DST: variants seen among roughly 807,000 people sequenced by gnomAD.
DST encodes bullous pemphigoid antigen.
Under a neutral mutation model 875.2 loss-of-function variants are expected in DST, and 253 were observed. The observed-to-expected ratio is 0.29, with a 90% CI of 0.26 to 0.32. DST has a LOEUF of 0.32. Ranked by LOEUF, DST falls within the 10% of genes least tolerant of loss-of-function variation. DST has a pLI of 1.00. For missense variants in DST, 8,287 were observed against 9,111.6 expected (o/e 0.91, Z 3.68); for synonymous variants, 3,124 against 3,197.1 (o/e 0.98, Z 0.77).
intron 4 of DST, among the ~76,000 whole-genome samples, chr6:56,804,325 C>T (rs2099750709): frequency 6.6e-6 from 1 of 151,904 alleles, no homozygotes; most frequent in South Asian, 2.1e-4. Context: ...CTAGGAAAAG[C>T]TGTCGTTAAG....
intron 4 of DST, among the ~76,000 whole-genome samples, chr6:56,809,383 C>T (rs1166802821): frequency 6.6e-6 from 1 of 152,146 alleles, no homozygotes; most frequent in Non-Finnish European, 1.5e-5. Context: ...GCTAGAGTCT[C>T]AGGGGTATAC....
At chr6:56,910,574 A>T (rs9464405) in intron 2 of DST, among the ~76,000 whole-genome samples, 38,992 of 151,944 alleles carry the variant, frequency 0.26, 5,186 homozygotes, top group African/African-American at 0.29. Flanking sequence ...AACCTCCACC[A>T]CCTGGGTTCA....
rs770224721 is a variant in DST at position 56,555,632 on chromosome 6, G to A, written c.14849C>T (p.Thr4950Ile). Residue 4950 changes from threonine (T) to isoleucine (I), a missense_variant, in exon 60 of 104, where the codon ACA becomes ATA. By Grantham distance (89) the Thr-to-Ile change is moderately conservative. This residue lies in a region of DST where 1,513 missense variants were observed against 1,677.8 expected (regional missense o/e 0.90). Coordinates refer to ENST00000680361, the MANE Select transcript of DST (RefSeq NM_001374736.1). ...DWIDQAIVKS[T>I]QYQSLLRSLS... The stretch of plus-strand genomic sequence containing the variant: ...GCTTCTCAGCAGGCTTTGATACTGT[G>A]TGCTTTTAACAATGGCTTGGTCAAT... The A allele has an allele frequency of 3.1e-6, 5 of 1,613,986 alleles. No individual in the cohort carries two copies. The South Asian group carries it at 5.5e-5, about 18-fold the overall frequency.
chr6:56,938,108 C>CTCTCTCTCTCTCTCTCTCTCTCTATATA (rs1383243392), intron 2 of DST, among the ~76,000 whole-genome samples: 4 of 120,728 alleles, frequency 3.3e-5, no homozygotes, highest in African/African-American at 1.4e-4. Context: ...CTCTCTCTCT[C>CTCTCTCTCTCTCTCTCTCTCTCTATATA]TATATATATA....
rs1447808497 is a variant in DST at position 56,458,913 on chromosome 6, C to A, written c.*92G>T. 3.0e-5 allele frequency: 39 copies of A among 1,320,744 alleles called. 1 individual carries two copies. The East Asian group carries it at 9.6e-4, about 33-fold the overall frequency. 81.8% of individuals were successfully genotyped at this position (1,320,744 alleles called of 1,614,324 possible). ...TGCAGAATTTTAAACTCGCCTCTTG[C>A]AATATTTCACAAGAATTTCTACACC... On this transcript the variant is annotated 3_prime_UTR_variant, in exon 104 of 104. Transcript: ENST00000680361.
intron 86 of DST, 44 bp from the exon 87 acceptor site, chr6:56,487,317 T>G (rs1582881602): frequency 6.7e-7 from 1 of 1,500,912 alleles, no homozygotes; most frequent in Non-Finnish European, 8.9e-7. Flanking sequence ...TTCTTGGGAC[T>G]AATAAACAGG....
Position 56,529,581 on chromosome 6 carries a change from C to T in DST, c.17462G>A (p.Cys5821Tyr). Residue 5821 changes from cysteine to tyrosine, a missense_variant, in exon 66 of 104, where the codon TGT becomes TAT. Physicochemically the swap from Cys to Tyr is radical, Grantham distance 194. Coordinates refer to ENST00000680361, the MANE Select transcript of DST (RefSeq NM_001374736.1). ...ATCTTCCCCAAAAATCTTAGCATTACATAAGGCCTGCTGGAGGAGCTCAGA... is the reference window on the plus strand; with the variant it reads ...ATCTTCCCCAAAAATCTTAGCATTATATAAGGCCTGCTGGAGGAGCTCAGA... ...SRSELLQQALCNAKIFGEDEV... is the reference protein window; with the variant it reads ...SRSELLQQALYNAKIFGEDEV... 1 of 1,613,850 alleles carries T rather than the reference C, an allele frequency of 6.2e-7. No individual in the cohort carries two copies. Among genetic ancestry groups the T allele is most frequent in the Non-Finnish European group, 8.5e-7 (1 of 1,179,790 alleles).
rs991405080 is a variant in DST, at chr6:56,618,435, T to C, written c.4930-3951A>G. The C allele has an allele frequency of 2.7e-5, 44 of 1,614,108 alleles. No individual in the cohort carries two copies. Among genetic ancestry groups the C allele is most frequent in the Non-Finnish European group, 3.4e-5 (40 of 1,180,046 alleles). On this transcript the variant is annotated intron_variant, in intron 36 of 103. Coordinates refer to ENST00000680361, the MANE Select transcript of DST (RefSeq NM_001374736.1). Reference sequence around the variant, plus strand: ...TCTTTGGCTGTGCTCTTTTTTTGAATTTCACACTGGAGCAAAACTAATTGA... The same window carrying C: ...TCTTTGGCTGTGCTCTTTTTTTGAACTTCACACTGGAGCAAAACTAATTGA...
chr6:56,737,298 C>G (rs1413837980), intron 4 of DST, among the ~76,000 whole-genome samples: 12 of 152,176 alleles, frequency 7.9e-5, no homozygotes, highest in Non-Finnish European at 2.9e-5. Context: ...TTCTAACTTA[C>G]CAAATTGCCA....
intron 2 of DST, among the ~76,000 whole-genome samples, chr6:56,945,415 A>G (rs569785075): frequency 5.3e-5 from 8 of 152,320 alleles, no homozygotes; most frequent in African/African-American, 1.4e-4. Flanking sequence ...TCCTAGTTTG[A>G]AAAACTGCAG....
intron 4 of DST, among the ~76,000 whole-genome samples, chr6:56,787,695 C>T (rs1226230767): frequency 6.6e-6 from 1 of 151,986 alleles, no homozygotes; most frequent in Non-Finnish European, 1.5e-5. Flanking sequence ...CAAATAAATG[C>T]CAAACTTTGT....
intron 23 of DST, among the ~76,000 whole-genome samples, chr6:56,636,285 C>CATAT (rs1563355956): frequency 3.6e-4 from 54 of 149,696 alleles, no homozygotes; most frequent in African/African-American, 1.4e-3. Flanking sequence ...CACACACACA[C>CATAT]ACATATACAT....
chr6:56,827,976 T>A (rs779163061), intron 4 of DST, among the ~76,000 whole-genome samples: 1 of 152,136 alleles, frequency 6.6e-6, no homozygotes, highest in African/African-American at 2.4e-5. Context: ...ATATGCCCAT[T>A]TGAGGTGAGA....
At chr6:56,870,453 AAGAG>A (rs1399615473) in intron 3 of DST, among the ~76,000 whole-genome samples, 4 of 150,498 alleles carry the variant, frequency 2.7e-5, no homozygotes, top group Non-Finnish European at 5.9e-5. Context: ...AAAAAAAAAA[AAGAG>A]CTCATGGTAA....
chr6:56,464,173 T>C (rs898847279), intron 100 of DST: 3 of 348,890 alleles, frequency 8.6e-6, no homozygotes, highest in African/African-American at 2.1e-5. Context: ...GTCTTTTGCA[T>C]GTACTATTGA....
At chr6:56,834,160 A>G (rs1314402230) in intron 4 of DST, among the ~76,000 whole-genome samples, 1 of 152,170 alleles carries the variant, frequency 6.6e-6, no homozygotes, top group Non-Finnish European at 1.5e-5. Flanking sequence ...ACACAAGTTC[A>G]TGGTTACAGT....
At chr6:56,916,292 C>T (rs1800887520) in intron 2 of DST, among the ~76,000 whole-genome samples, 1 of 152,218 alleles carries the variant, frequency 6.6e-6, no homozygotes, top group South Asian at 2.1e-4. Context: ...CCTGAGTGTC[C>T]TGTTGTTGCA....
intron 3 of DST, among the ~76,000 whole-genome samples, chr6:56,867,452 T>C (rs145319614): frequency 4.5e-4 from 68 of 152,334 alleles, no homozygotes; most frequent in African/African-American, 1.5e-3. Flanking sequence ...TCTGGAGTTA[T>C]AGGGAGCTGA....
At chr6:56,516,820 G>GT (rs1223425360) in intron 71 of DST, among the ~76,000 whole-genome samples, 3 of 151,988 alleles carry the variant, frequency 2.0e-5, no homozygotes, top group African/African-American at 7.2e-5. Context: ...ACATATTTTG[G>GT]TTTTTATTAA....
Sources: allele counts gnomAD v4.1 joint callset (sites outside exome capture counted in the v4.1 genomes callset), GRCh38; gene constraint gnomAD v4.1.1; regional missense constraint gnomAD v4.1.1; transcripts MANE v1.5; gene names NCBI Gene and HGNC (gene_info 2026-07-23, HGNC 2026-07-21).